PPFIBP1: variants seen among roughly 807,000 people sequenced by gnomAD.
PPFIBP1 encodes the protein PPFIB scaffold protein 1.
Under a neutral mutation model 137.8 loss-of-function variants are expected in PPFIBP1, and 112 were observed. The ratio of observed to expected loss-of-function variants is 0.81; its 90% CI spans 0.70 to 0.95. The LOEUF (loss-of-function observed/expected upper bound fraction) is 0.95. PPFIBP1 is among the 40% of genes least tolerant of loss of function. PPFIBP1 has a pLI of 0.00. For missense variants in PPFIBP1, 1,083 were observed against 1,196.6 expected, an observed-to-expected ratio of 0.91 and a Z score of 1.40; for synonymous variants, 378 against 417.3, an observed-to-expected ratio of 0.91 and a Z score of 1.15.
intron 1 of PPFIBP1, among the ~76,000 whole-genome samples, chr12:27,535,338 G>A (rs708184): frequency 6.6e-6 from 1 of 152,038 alleles, no homozygotes; most frequent in African/African-American, 2.4e-5. Flanking sequence ...AAACTAAGCA[G>A]TGAAGTTTTT....
chr12:27,590,901 A>G (rs2052424687), intron 2 of PPFIBP1, among the ~76,000 whole-genome samples: 1 of 152,190 alleles, frequency 6.6e-6, no homozygotes, highest in African/African-American at 2.4e-5. Context: ...TATATGGGTT[A>G]GATCTAGAGG....
chr12:27,651,657 T>G (rs2058882515), intron 7 of PPFIBP1, among the ~76,000 whole-genome samples: 1 of 152,162 alleles, frequency 6.6e-6, no homozygotes, highest in African/African-American at 2.4e-5. Context: ...TGGAGCTAGC[T>G]CTGCTGCAGG....
At chr12:27,667,492 G>A (rs889343126) in intron 13 of PPFIBP1, among the ~76,000 whole-genome samples, 172 bp downstream of exon 13, 4 of 152,214 alleles carry the variant, frequency 2.6e-5, no homozygotes, top group Admixed American at 2.6e-4. Context: ...GACTCTGAAA[G>A]ATAATTGAAT....
chr12:27,674,164 C>T (rs767535411), intron 16 of PPFIBP1, 28 bp from the exon 17 acceptor site: 2 of 1,560,090 alleles, frequency 1.3e-6, no homozygotes, highest in Non-Finnish European at 1.7e-6. Context: ...TCCCTAACAA[C>T]CTTAAATATT....
chr12:27,681,526 A>C lies in PPFIBP1; in HGVS notation c.1896-20A>C, dbSNP rs1381654628. On this transcript the variant is annotated intron_variant, in intron 21 of 29. Transcript: ENST00000228425. ...ATTGGCTTTGGATTATTTTTCATGC[A>C]ATTACTCATTTTCCTGTAGTGACTT... 2.1e-5 allele frequency: 34 copies of C among 1,610,354 alleles called. No individual in the cohort carries two copies. The highest frequency in any genetic ancestry group is 2.8e-5 in the Non-Finnish European group (33 of 1,177,096).
chr12:27,611,532 G>A lies in PPFIBP1; in HGVS notation c.-35-21830G>A, dbSNP rs1291063769. On this transcript the variant is annotated intron_variant, in intron 2 of 29. Transcript: ENST00000228425. ...CACATGCTGAGGTCCTGGGGCTTAG[G>A]ATTTCAACATATAAATTTTGAAAGG... 4.6e-5 allele frequency among the ~76,000 whole-genome samples: 7 copies of A among 152,242 alleles called. No homozygotes were observed. The East Asian group carries it at 5.8e-4, about 13-fold the overall frequency.
At chr12:27,545,105 C>T (rs1832112652) in intron 1 of PPFIBP1, among the ~76,000 whole-genome samples, 4 of 152,112 alleles carry the variant, frequency 2.6e-5, no homozygotes, top group African/African-American at 9.7e-5. Context: ...AAGCTGGAAA[C>T]CATCATTCTC....
chr12:27,621,296 A>T (rs1262280827), intron 2 of PPFIBP1, among the ~76,000 whole-genome samples: 13 of 152,256 alleles, frequency 8.5e-5, no homozygotes, highest in Admixed American at 7.9e-4. Flanking sequence ...GCTAGATTTG[A>T]CCATAGGTCA....
intron 2 of PPFIBP1, among the ~76,000 whole-genome samples, chr12:27,600,178 C>A (rs1006216608): frequency 2.3e-4 from 35 of 152,128 alleles, no homozygotes; most frequent in Non-Finnish European, 5.0e-4. Context: ...TGGCTCATGC[C>A]TATAATCCTA....
At chr12:27,584,443 A>G (rs980796838) in intron 2 of PPFIBP1, 1 of 152,256 alleles carries the variant, frequency 6.6e-6, no homozygotes, top group Non-Finnish European at 1.5e-5. Context: ...GAACTCCGCC[A>G]TGGTGACCGA....
At chr12:27,550,060 A>G (rs1177424932) in intron 1 of PPFIBP1, among the ~76,000 whole-genome samples, 1 of 152,346 alleles carries the variant, frequency 6.6e-6, no homozygotes, top group East Asian at 1.9e-4. Context: ...AATGGAGCAT[A>G]ATGAAGTAAG....
At chr12:27,661,545 A>G (rs1261476862) in intron 11 of PPFIBP1, among the ~76,000 whole-genome samples, 1 of 152,180 alleles carries the variant, frequency 6.6e-6, no homozygotes, top group African/African-American at 2.4e-5. Context: ...GGATGCAGTT[A>G]CTGCACGAAA....
intron 1 of PPFIBP1, among the ~76,000 whole-genome samples, chr12:27,576,794 A>G (rs1347846990): frequency 2.0e-5 from 3 of 152,150 alleles, no homozygotes; most frequent in African/African-American, 4.8e-5. Flanking sequence ...CACTTCTCCA[A>G]CTAAATCTTG....
At chr12:27,575,266 C>T (rs1456921349) in intron 1 of PPFIBP1, among the ~76,000 whole-genome samples, 1 of 152,152 alleles carries the variant, frequency 6.6e-6, no homozygotes, top group Non-Finnish European at 1.5e-5. Flanking sequence ...TTTACAAAAA[C>T]AGGTGGCAGA....
intron 11 of PPFIBP1, among the ~76,000 whole-genome samples, chr12:27,664,009 T>A (rs73296187): frequency 0.12 from 17,946 of 152,076 alleles, 1,727 homozygotes; most frequent in African/African-American, 0.26. Context: ...AGAGGAGAGT[T>A]ATTGAAGCTG....
At chr12:27,646,301 G>T in intron 5 of PPFIBP1, 153 bp downstream of exon 5, 1 of 686,206 alleles carries the variant, frequency 1.5e-6, no homozygotes. Context: ...GGTGAGGATT[G>T]GGGCAGAATG....
At chr12:27,610,199 C>T (rs1214416937) in intron 2 of PPFIBP1, among the ~76,000 whole-genome samples, 5 of 152,114 alleles carry the variant, frequency 3.3e-5, no homozygotes, top group Non-Finnish European at 1.5e-5. Flanking sequence ...AGAAGCTGAA[C>T]GATTATGGAC....
chr12:27,534,079 C>T (rs1045089714), intron 1 of PPFIBP1, among the ~76,000 whole-genome samples: 3 of 151,870 alleles, frequency 2.0e-5, no homozygotes, highest in East Asian at 1.9e-4. Flanking sequence ...GGAACTGATC[C>T]GAGAGAGACA....
At chr12:27,600,638 G>T (rs76916867) in intron 2 of PPFIBP1, among the ~76,000 whole-genome samples, 1 of 151,156 alleles carries the variant, frequency 6.6e-6, no homozygotes, top group African/African-American at 2.4e-5. Context: ...TCCCTCCTGA[G>T]CATTATTCTG....
Sources: gnomAD v4.1 joint callset for allele counts (sites outside exome capture counted in the v4.1 genomes callset) on GRCh38, gnomAD v4.1.1 for gene constraint, MANE v1.5 for transcripts, NCBI Gene and HGNC (gene_info 2026-07-23, HGNC 2026-07-21) for gene names.